The following SLC25A26 variants were observed in gnomAD, a reference collection of about 807,000 sequenced individuals.
SLC25A26 encodes mitochondrial S-adenosylmethionine carrier protein.
Under a neutral mutation model 37.8 loss-of-function variants are expected in SLC25A26, and 36 were observed. That is an observed-to-expected ratio of 0.95 (90% confidence interval 0.73 to 1.26). The LOEUF is 1.26. Ranked by LOEUF, SLC25A26 falls within the 50% of genes most tolerant of loss-of-function variation. The pLI is 0.00. For missense variants in SLC25A26, 390 were observed against 331.1 expected (o/e 1.18, Z -1.38); for synonymous variants, 129 against 122.5 (o/e 1.05, Z -0.35).
chr3:66,175,447 A>T (rs2070571610), intron 1 of SLC25A26, among the ~76,000 whole-genome samples: 1 of 151,258 alleles, frequency 6.6e-6, no homozygotes, highest in Non-Finnish European at 1.5e-5. Flanking sequence ...CTCGTCTCAA[A>T]CTCCTGACCT....
At chr3:66,306,477 GTCTC>G (rs568905861) in intron 5 of SLC25A26, among the ~76,000 whole-genome samples, 77 of 151,708 alleles carry the variant, frequency 5.1e-4, no homozygotes, top group South Asian at 1.0e-3. Flanking sequence ...TCTTTTTCTT[GTCTC>G]TCTCTTTTTT....
chr3:66,194,380 A>G (rs2071004492), intron 1 of SLC25A26, among the ~76,000 whole-genome samples: 1 of 152,162 alleles, frequency 6.6e-6, no homozygotes, highest in African/African-American at 2.4e-5. Flanking sequence ...TATCTCTCCA[A>G]TGACAGAGGT....
chr3:66,292,164 C>T (rs371226743), intron 5 of SLC25A26, among the ~76,000 whole-genome samples: 2 of 152,204 alleles, frequency 1.3e-5, no homozygotes, highest in African/African-American at 4.8e-5. Flanking sequence ...AAATATTCCT[C>T]CATCCTTTTA....
At chr3:66,322,245 C>G (rs1368161683) in intron 5 of SLC25A26, among the ~76,000 whole-genome samples, 1 of 152,184 alleles carries the variant, frequency 6.6e-6, no homozygotes, top group Non-Finnish European at 1.5e-5. Context: ...TATTAATTCA[C>G]TAGTTTGATG....
At chr3:66,336,850 G>C (rs967391117) in intron 5 of SLC25A26, among the ~76,000 whole-genome samples, 1 of 152,102 alleles carries the variant, frequency 6.6e-6, no homozygotes, top group Non-Finnish European at 1.5e-5. Context: ...ATTAGTAATA[G>C]ATTTTTAAGA....
At chr3:66,209,527 G>T (rs2071245499) in intron 1 of SLC25A26, among the ~76,000 whole-genome samples, 1 of 138,298 alleles carries the variant, frequency 7.2e-6, no homozygotes, top group Non-Finnish European at 1.5e-5. Context: ...TTTGTGTTTT[G>T]TCTATCAAAA....
chr3:66,168,153 C>CAAAAAA (rs1238897849), intron 1 of SLC25A26, among the ~76,000 whole-genome samples: 30 of 53,468 alleles, frequency 5.6e-4, no homozygotes, highest in African/African-American at 1.7e-3. Flanking sequence ...AACTCAGTCT[C>CAAAAAA]AAAAAAAATA....
At chr3:66,337,406 T>C (rs2076114495) in intron 5 of SLC25A26, among the ~76,000 whole-genome samples, 1 of 152,082 alleles carries the variant, frequency 6.6e-6, no homozygotes. Flanking sequence ...AAAGTTGTGT[T>C]TTATGAGGAA....
At chr3:66,201,481 G>A (rs36142526) in intron 1 of SLC25A26, among the ~76,000 whole-genome samples, 58,817 of 151,688 alleles carry the variant, frequency 0.39, 12,890 homozygotes, top group Non-Finnish European at 0.51. Context: ...CTATGGGCAC[G>A]TGCCACTATA....
chr3:66,173,948 G>T (rs1307156793), intron 1 of SLC25A26, among the ~76,000 whole-genome samples: 1 of 152,120 alleles, frequency 6.6e-6, no homozygotes. Context: ...AGCTACTTGG[G>T]AGGCTGAGGC....
intron 1 of SLC25A26, among the ~76,000 whole-genome samples, chr3:66,177,950 A>C (rs1047060996): frequency 6.6e-6 from 1 of 152,220 alleles, no homozygotes; most frequent in African/African-American, 2.4e-5. Context: ...AATGGCGTAA[A>C]TAGCATTGAT....
intron 6 of SLC25A26, among the ~76,000 whole-genome samples, chr3:66,360,713 C>A (rs56091993): frequency 1.1e-3 from 167 of 152,248 alleles, no homozygotes; most frequent in African/African-American, 3.6e-3. Context: ...CAGTGCAAGA[C>A]CTGTATACTG....
intron 5 of SLC25A26, among the ~76,000 whole-genome samples, chr3:66,281,599 C>A (rs1433192189): frequency 6.6e-6 from 1 of 152,144 alleles, no homozygotes; most frequent in African/African-American, 2.4e-5. Context: ...AGTTAGAATT[C>A]ATGTACCAGA....
intron 6 of SLC25A26, among the ~76,000 whole-genome samples, chr3:66,359,854 T>G (rs901840988): frequency 6.6e-6 from 1 of 152,218 alleles, no homozygotes; most frequent in Non-Finnish European, 1.5e-5. Context: ...CAGTCTCTAA[T>G]AAGTCTTTTC....
intron 5 of SLC25A26, among the ~76,000 whole-genome samples, chr3:66,300,567 G>A (rs1038926063): frequency 5.3e-5 from 8 of 151,924 alleles, no homozygotes; most frequent in African/African-American, 1.4e-4. Context: ...GCTGATGCTC[G>A]TTTTTTGTTT....
chr3:66,295,249 A>C (rs2074857656), intron 5 of SLC25A26, among the ~76,000 whole-genome samples: 1 of 151,970 alleles, frequency 6.6e-6, no homozygotes, highest in African/African-American at 2.4e-5. Flanking sequence ...TTTGAGACGG[A>C]GTCCCGCACT....
intron 1 of SLC25A26, among the ~76,000 whole-genome samples, chr3:66,206,893 T>TC (rs2071185899): frequency 6.9e-6 from 1 of 145,254 alleles, no homozygotes. Flanking sequence ...TTTCTTTCTT[T>TC]CTTTTTTTTT....
chr3:66,221,329 A>G (rs1164254163), intron 1 of SLC25A26, among the ~76,000 whole-genome samples: 3 of 152,238 alleles, frequency 2.0e-5, no homozygotes, highest in Non-Finnish European at 4.4e-5. Flanking sequence ...CTGCCAGGTC[A>G]TAAGAGCCAG....
intron 6 of SLC25A26, 52 bp from the exon 7 acceptor site, chr3:66,362,808 C>A: frequency 1.5e-6 from 2 of 1,342,116 alleles, no homozygotes; most frequent in African/African-American, 1.5e-5. Flanking sequence ...CAGGAGGTTC[C>A]GATAAATTCA....
Sources: gnomAD v4.1 joint callset for allele counts (sites outside exome capture counted in the v4.1 genomes callset) on GRCh38, gnomAD v4.1.1 for gene constraint, MANE v1.5 for transcripts, NCBI Gene and HGNC (gene_info 2026-07-23, HGNC 2026-07-21) for gene names.